Variants in NXPE2 observed in about 807,000 individuals in gnomAD.
NXPE2 encodes neurexophilin and PC-esterase domain family member 2, also known as NXPE family member 2.
Under a neutral mutation model 34.4 loss-of-function variants are expected in NXPE2, and 34 were observed. That is an observed-to-expected ratio of 0.99 (90% CI 0.75 to 1.31). NXPE2 has a LOEUF of 1.31. NXPE2 is among the 40% of genes most tolerant of loss of function. The pLI is 0.00. For missense variants in NXPE2, 649 were observed against 672.5 expected (o/e 0.97, Z 0.39); for synonymous variants, 235 against 231.3 (o/e 1.02, Z -0.15).
chr11:114,496,219 T>C, the NXPE2 span, among the ~76,000 whole-genome samples: 1 of 152,168 alleles, frequency 6.6e-6, no homozygotes, highest in African/African-American at 2.4e-5. Context: ...AACTTGCCTC[T>C]CATTAGGGCT....
chr11:114,550,871 C>A, the NXPE2 span, among the ~76,000 whole-genome samples: 1 of 151,974 alleles, frequency 6.6e-6, no homozygotes, highest in Non-Finnish European at 1.5e-5. Flanking sequence ...ATTTTGGGAG[C>A]GTGTGCAAGG....
chr11:114,481,002 A>G, the NXPE2 span, among the ~76,000 whole-genome samples: 3 of 152,130 alleles, frequency 2.0e-5, no homozygotes, highest in Non-Finnish European at 4.4e-5. Context: ...CAAACAAGAT[A>G]CCAGAGTTAT....
chr11:114,644,724 A>C, the NXPE2 span, among the ~76,000 whole-genome samples: 2 of 152,102 alleles, frequency 1.3e-5, no homozygotes, highest in African/African-American at 4.8e-5. Flanking sequence ...AATCTCTATA[A>C]GCTGATTCTA....
the NXPE2 span, among the ~76,000 whole-genome samples, chr11:114,566,885 C>T: frequency 2.6e-5 from 4 of 152,024 alleles, no homozygotes; most frequent in Admixed American, 6.6e-5. Flanking sequence ...GGTTGATGAC[C>T]GTGTCAGTTA....
chr11:114,693,797 G>A (rs1454513933), intron 2 of NXPE2, among the ~76,000 whole-genome samples: 4 of 152,184 alleles, frequency 2.6e-5, no homozygotes, highest in Non-Finnish European at 5.9e-5. Flanking sequence ...AGCTAACATA[G>A]ATGTTGGAAT....
At chr11:114,802,930 T>C in the NXPE2 span, among the ~76,000 whole-genome samples, 1 of 151,948 alleles carries the variant, frequency 6.6e-6, no homozygotes, top group South Asian at 2.1e-4. Flanking sequence ...TTAGGAACCT[T>C]CTGCAGACAT....
Position 114,705,687 on chromosome 11 carries a change from G to A in NXPE2, c.929-94G>A, listed in dbSNP as rs146744975. 320 of 685,326 alleles carry A rather than the reference G, an allele frequency of 4.7e-4. 2 individuals are homozygous for A. The African/African-American group carries it at 4.9e-3, about 11-fold the overall frequency. The allele number at this position is 685,326 out of a possible 1,614,324, so 42.5% of individuals were successfully genotyped here. A position where few individuals can be genotyped will look rare whatever the true frequency, so the allele number is the denominator to read the frequency against. On this transcript the variant is annotated intron_variant, in intron 4 of 5. Coordinates refer to ENST00000389586, the MANE Select transcript of NXPE2 (RefSeq NM_182495.6). ...AATAGAGCTGAAGAGAAAGGGGGAG[G>A]AAAAAGAGGAAAAGGAAGGCAAAAA...
the NXPE2 span, among the ~76,000 whole-genome samples, chr11:114,779,272 T>C: frequency 6.8e-6 from 1 of 146,566 alleles, no homozygotes; most frequent in Admixed American, 6.8e-5. Context: ...GGGAAGAGCA[T>C]TTAACTTTTT....
At chr11:114,506,299 C>T in the NXPE2 span, among the ~76,000 whole-genome samples, 1 of 152,178 alleles carries the variant, frequency 6.6e-6, no homozygotes, top group South Asian at 2.1e-4. Flanking sequence ...TTTAATGCCC[C>T]ACTGACAGTA....
chr11:114,651,551 G>A, the NXPE2 span, among the ~76,000 whole-genome samples: 1 of 152,218 alleles, frequency 6.6e-6, no homozygotes, highest in Non-Finnish European at 1.5e-5. Flanking sequence ...TGCCACTGCT[G>A]GCTTTGCTGG....
the NXPE2 span, among the ~76,000 whole-genome samples, chr11:114,467,436 G>A: frequency 6.6e-6 from 1 of 152,136 alleles, no homozygotes; most frequent in Non-Finnish European, 1.5e-5. Flanking sequence ...AAGGATAGAG[G>A]CCTAGGAAAT....
the NXPE2 span, among the ~76,000 whole-genome samples, chr11:114,780,905 A>T: frequency 1.9e-4 from 29 of 152,174 alleles, no homozygotes; most frequent in South Asian, 5.6e-3. Flanking sequence ...GATCCAGGGG[A>T]TGTGGCGTTG....
the NXPE2 span, among the ~76,000 whole-genome samples, chr11:114,810,897 A>G: frequency 0.81 from 122,694 of 151,768 alleles, 50,034 homozygotes; most frequent in Non-Finnish European, 0.87. Context: ...ACATATGTTT[A>G]TAGTGGCACT....
the NXPE2 span, among the ~76,000 whole-genome samples, chr11:114,745,163 T>C: frequency 2.0e-5 from 3 of 152,162 alleles, no homozygotes; most frequent in African/African-American, 7.2e-5. Flanking sequence ...CTTAGTTTGT[T>C]TGTGTTGCTA....
chr11:114,742,566 G>A, the NXPE2 span, among the ~76,000 whole-genome samples: 4 of 151,654 alleles, frequency 2.6e-5, no homozygotes, highest in Middle Eastern at 3.4e-3. Context: ...TTGGAGAGGG[G>A]TGACACAGGT....
chr11:114,551,467 A>T, the NXPE2 span: 2 of 1,187,354 alleles, frequency 1.7e-6, no homozygotes, highest in African/African-American at 1.6e-5. Flanking sequence ...AAGTCACCTT[A>T]TAGGTTCTCT....
chr11:114,811,473 A>G, the NXPE2 span, among the ~76,000 whole-genome samples: 1 of 152,232 alleles, frequency 6.6e-6, no homozygotes, highest in Admixed American at 6.5e-5. Flanking sequence ...GAAAATATGC[A>G]GATTCCAACT....
At chr11:114,685,430 A>G (rs1177759792) in intron 2 of NXPE2, among the ~76,000 whole-genome samples, 1 of 152,110 alleles carries the variant, frequency 6.6e-6, no homozygotes, top group Non-Finnish European at 1.5e-5. Context: ...TCCTTTTTGT[A>G]AAGGCACTAA....
the NXPE2 span, among the ~76,000 whole-genome samples, chr11:114,813,353 A>G: frequency 6.6e-6 from 1 of 152,210 alleles, no homozygotes; most frequent in Non-Finnish European, 1.5e-5. Flanking sequence ...CCATGTCCAC[A>G]GAAGGCCTGA....
Sources: allele counts gnomAD v4.1 joint callset (sites outside exome capture counted in the v4.1 genomes callset), GRCh38; gene constraint gnomAD v4.1.1; transcripts MANE v1.5; gene names NCBI Gene and HGNC (gene_info 2026-07-23, HGNC 2026-07-21).